Variants in MTRR observed in about 807,000 individuals in gnomAD.
MTRR encodes the protein 5-methyltetrahydrofolate-homocysteine methyltransferase reductase, also known as methionine synthase reductase.
MTRR carries 63 observed loss-of-function variants against 79.2 expected under a neutral mutation model. The ratio of observed to expected loss-of-function variants is 0.80; its 90% CI spans 0.65 to 0.98. The LOEUF is 0.98. Ranked by LOEUF, MTRR falls within the 50% of genes least tolerant of loss-of-function variation. The pLI is 0.00. For missense variants in MTRR, 895 were observed against 839.6 expected (o/e 1.07, Z -0.82); for synonymous variants, 355 against 313.3 (o/e 1.13, Z -1.41).
intron 14 of MTRR, among the ~76,000 whole-genome samples, chr5:7,899,392 A>G (rs991942124): frequency 6.6e-6 from 1 of 152,222 alleles, no homozygotes; most frequent in African/African-American, 2.4e-5. Context: ...CAGGAGGGGT[A>G]CCGCCCCCTT....
At position 7,895,715 on chromosome 5, in the gene MTRR, A is replaced by G; in HGVS notation, c.1558-19A>G. 6.2e-7 allele frequency: 1 copy of G among 1,613,794 alleles called. No homozygotes were observed. Among genetic ancestry groups the G allele is most frequent in the Non-Finnish European group, 8.5e-7 (1 of 1,179,760 alleles). On this transcript the variant is annotated intron_variant, in intron 11 of 14. Transcript: ENST00000440940. ...CTAGGTTTTCTTTCATACTTACCACATTTGATGTAATATTTCAGATATCCA... is the reference window on the plus strand; with the variant it reads ...CTAGGTTTTCTTTCATACTTACCACGTTTGATGTAATATTTCAGATATCCA...
intron 5 of MTRR, among the ~76,000 whole-genome samples, chr5:7,879,354 C>T (rs1415215816): frequency 2.7e-5 from 4 of 149,658 alleles, no homozygotes; most frequent in Admixed American, 1.3e-4. Context: ...TTAAATTAGC[C>T]GGAAGATCTG....
intron 6 of MTRR, 66 bp from the exon 7 acceptor site, chr5:7,885,635 C>A (rs547323457): frequency 3.6e-5 from 53 of 1,460,010 alleles, no homozygotes; most frequent in Admixed American, 1.4e-4. Context: ...ATTTTTGTTA[C>A]CCTACAGCTT....
At chr5:7,889,681 C>T (rs1185465535) in intron 9 of MTRR, among the ~76,000 whole-genome samples, 1 of 152,082 alleles carries the variant, frequency 6.6e-6, no homozygotes, top group African/African-American at 2.4e-5. Flanking sequence ...TTTTCTTTTT[C>T]AAAGCTAACG....
At chr5:7,873,584 G>A (rs1437367918) in intron 3 of MTRR, 58 bp downstream of exon 3, 1 of 1,585,378 alleles carries the variant, frequency 6.3e-7, no homozygotes, top group Non-Finnish European at 8.7e-7. Flanking sequence ...TCTGGTATCT[G>A]AATTATCTTT....
chr5:7,875,292 T>C lies in MTRR; in HGVS notation c.318T>C (p.Asn106=), dbSNP rs1256467799. 1.9e-6 allele frequency: 3 copies of C among 1,613,656 alleles called. No homozygotes were observed. The highest frequency in any genetic ancestry group is 2.2e-5 in the East Asian group (1 of 44,876). The change falls in exon 4 of 15, where the codon AAT becomes AAC. Residue 106 remains asparagine, a synonymous_variant. Coordinates refer to ENST00000440940, the MANE Select transcript of MTRR (RefSeq NM_002454.3). The part of the protein sequence containing the change: ...LGDSEYTYFC[N]GGKIIDKRLQ... ...ATTCAGAATACACCTACTTTTGCAA[T>C]GGGGGGAAGATAATTGATAAACGAC...
intron 2 of MTRR, among the ~76,000 whole-genome samples, chr5:7,871,638 C>G (rs1304313841): frequency 6.6e-6 from 1 of 152,216 alleles, no homozygotes; most frequent in African/African-American, 2.4e-5. Flanking sequence ...CTCTCTCACC[C>G]AAGTGCACAA....
At position 7,870,862 on chromosome 5, in the gene MTRR, G is replaced by C. The variant is rs1392496338; in HGVS notation, c.68G>C (p.Cys23Ser). ...GCAAAGGCCATCGCAGAAGAAATAT[G>C]TGAGCAAGCTGTGGTACATGGATTT... The part of the protein sequence containing the change: ...GQAKAIAEEI[C>S]EQAVVHGFSA... Residue 23 changes from cysteine to serine, a missense_variant, in exon 2 of 15, where the codon TGT (cysteine) becomes TCT (serine). Cys to Ser is a moderately radical substitution (Grantham distance 112). Transcript: ENST00000440940. 6.2e-7 allele frequency: 1 copy of C among 1,614,210 alleles called. No individual in the cohort carries two copies. The highest frequency in any genetic ancestry group is 8.5e-7 in the Non-Finnish European group (1 of 1,180,034).
chr5:7,886,559 CATTTT>C (rs1736464769), intron 7 of MTRR, 51 bp from the exon 8 acceptor site: 1 of 1,330,208 alleles, frequency 7.5e-7, no homozygotes, highest in Non-Finnish European at 1.1e-6. Context: ...GTGTGTAAAA[CATTTT>C]ATTCTTCATC....
chr5:7,887,916 C>A (rs917103116), intron 8 of MTRR, among the ~76,000 whole-genome samples: 33 of 147,240 alleles, frequency 2.2e-4, no homozygotes, highest in African/African-American at 7.8e-4. Context: ...ATAATCAAAC[C>A]CTCTGAGTTA....
intron 1 of MTRR, chr5:7,861,751 G>A: frequency 6.7e-7 from 1 of 1,501,320 alleles, no homozygotes; most frequent in Non-Finnish European, 8.9e-7. Flanking sequence ...CTTCCACCTT[G>A]CATTGATCAA....
intron 14 of MTRR, among the ~76,000 whole-genome samples, chr5:7,897,735 T>G (rs1738778715): frequency 6.6e-6 from 1 of 152,234 alleles, no homozygotes; most frequent in African/African-American, 2.4e-5. Context: ...TTTGATCTAC[T>G]TTCTGAGGCA....
chr5:7,896,478 C>T, intron 12 of MTRR: 1 of 273,988 alleles, frequency 3.6e-6, no homozygotes, highest in South Asian at 4.5e-5. Flanking sequence ...TCAGTGTGTT[C>T]ACCATTTCGT....
intron 8 of MTRR, among the ~76,000 whole-genome samples, chr5:7,888,342 A>G (rs1324379721): frequency 2.0e-5 from 3 of 152,238 alleles, no homozygotes; most frequent in Non-Finnish European, 4.4e-5. Flanking sequence ...AAAGTATGTT[A>G]AAGGAAAAAT....
At chr5:7,851,118 C>T, upstream of MTRR, 1 of 1,212,202 alleles carries the variant, frequency 8.2e-7, no homozygotes, top group East Asian at 3.2e-5. Context: ...TCAGCGCCAG[C>T]GTCTAGCCCG....
chr5:7,864,209 CAT>C (rs34866983), upstream of MTRR, among the ~76,000 whole-genome samples: 5 of 152,232 alleles, frequency 3.3e-5, no homozygotes, highest in South Asian at 2.1e-4. Flanking sequence ...AGGTAATACA[CAT>C]GTTAATTGGT....
chr5:7,889,179 G>A lies in MTRR; in HGVS notation c.1231G>A (p.Ala411Thr), dbSNP rs2126771442. The stretch of plus-strand genomic sequence containing the variant: ...GGAGCTGTGCAGTAAACAAGGGGCA[G>A]CCGATTATAGCCGCTTTGTACGAGA... ...LQELCSKQGAADYSRFVRDAC... is the reference protein window; with the variant it reads ...LQELCSKQGATDYSRFVRDAC... The change falls in exon 9 of 15, where the codon GCC (alanine) becomes ACC (threonine). Residue 411 changes from alanine to threonine, a missense_variant. Physicochemically the swap from Ala to Thr is moderately conservative, Grantham distance 58. Coordinates refer to ENST00000440940, the MANE Select transcript of MTRR (RefSeq NM_002454.3). The A allele has an allele frequency of 6.2e-7, 1 of 1,614,054 alleles. No individual in the cohort carries two copies. Among genetic ancestry groups the A allele is most frequent in the Non-Finnish European group, 8.5e-7 (1 of 1,180,042 alleles).
intron 5 of MTRR, 63 bp from the exon 6 acceptor site, chr5:7,883,092 A>G (rs149306594): frequency 2.5e-6 from 4 of 1,610,924 alleles, no homozygotes; most frequent in Admixed American, 3.3e-5. Flanking sequence ...TTGCGTAGTC[A>G]CTAATTGAAA....
upstream of MTRR, chr5:7,866,807 G>C: frequency 1.2e-6 from 2 of 1,614,192 alleles, no homozygotes; most frequent in Non-Finnish European, 1.7e-6. Flanking sequence ...AAATAAAGCA[G>C]AGGCATTTGG....
Sources: gnomAD v4.1 joint callset for allele counts (sites outside exome capture counted in the v4.1 genomes callset) on GRCh38, gnomAD v4.1.1 for gene constraint, MANE v1.5 for transcripts, NCBI Gene and HGNC (gene_info 2026-07-23, HGNC 2026-07-21) for gene names.